Variants in CYB5R1 observed in about 807,000 individuals in gnomAD.
CYB5R1 encodes cytochrome b5 reductase 1.
A neutral mutation model predicts 37.4 loss-of-function variants in CYB5R1; 32 were observed. The observed-to-expected ratio is 0.86, with a 90% confidence interval of 0.65 to 1.15. CYB5R1 has a LOEUF of 1.15. Ranked by LOEUF, CYB5R1 falls within the 50% of genes most tolerant of loss-of-function variation. The pLI, the probability that CYB5R1 is intolerant of heterozygous loss-of-function variation, is 0.00. For synonymous variants in CYB5R1, 159 were observed against 155.2 expected (o/e 1.02, Z -0.18); for missense variants, 345 against 382.5 (o/e 0.90, Z 0.82).
At chr1:202,963,002 A>G (rs750376582) in intron 8 of CYB5R1, 64 bp downstream of exon 8, 29 of 1,464,760 alleles carry the variant, frequency 2.0e-5, no homozygotes, top group Middle Eastern at 1.7e-4. Context: ...AGAATTCACA[A>G]AGGGGCAAGG....
At chr1:202,966,367 G>C in intron 3 of CYB5R1, 161 bp downstream of exon 3, 1 of 758,042 alleles carries the variant, frequency 1.3e-6, no homozygotes, top group Non-Finnish European at 2.2e-6. Flanking sequence ...CTCTAGAGGG[G>C]CCCAGTGGCA....
chr1:202,966,995 G>T, intron 1 of CYB5R1, 97 bp from the exon 2 acceptor site: 1 of 1,481,516 alleles, frequency 6.7e-7, no homozygotes, highest in Non-Finnish European at 9.0e-7. Flanking sequence ...GCTCCAGCGC[G>T]GAGGCATGCC....
intron 5 of CYB5R1, 138 bp from the exon 6 acceptor site, chr1:202,964,833 C>G: frequency 1.4e-6 from 1 of 693,070 alleles, no homozygotes; most frequent in Non-Finnish European, 2.6e-6. Flanking sequence ...TGGGTGGAAG[C>G]TTGAGTTGAG....
At position 202,962,315 on chromosome 1, in the gene CYB5R1, G is replaced by A. The variant is rs1655004632; in HGVS notation, c.*212C>T. 6 of 556,812 alleles carry A rather than the reference G, an allele frequency of 1.1e-5. No individual in the cohort carries two copies. Among genetic ancestry groups the A allele is most frequent in the African/African-American group, 1.9e-5 (1 of 52,310 alleles). The allele number at this position is 556,812 out of a possible 1,614,324, so 34.5% of individuals were successfully genotyped here. On this transcript the variant is annotated 3_prime_UTR_variant, in exon 9 of 9. Transcript: ENST00000367249. Reference sequence around the variant, plus strand: ...GGGCCTCTCCTGGACCTGTTGCCACGGGGAGATTTAGGAGGCCATCCAAGG... The same window carrying A: ...GGGCCTCTCCTGGACCTGTTGCCACAGGGAGATTTAGGAGGCCATCCAAGG...
Position 202,962,463 on chromosome 1 carries a change from T to C in CYB5R1, c.*64A>G. 1 of 1,523,506 alleles carries C rather than the reference T, an allele frequency of 6.6e-7. No homozygotes were observed. The highest frequency in any genetic ancestry group is 8.8e-7 in the Non-Finnish European group (1 of 1,133,972). The allele number at this position is 1,523,506 out of a possible 1,614,324, so 94.4% of individuals were successfully genotyped here. A position where few individuals can be genotyped will look rare whatever the true frequency, so the allele number is the denominator to read the frequency against. ...ACTCTGAGGAAAGGAATCTAAGGCT[T>C]ATAGTGCTTGAGTACTGATGGGGAA... On this transcript the variant is annotated 3_prime_UTR_variant, in exon 9 of 9. Coordinates refer to ENST00000367249, the MANE Select transcript of CYB5R1 (RefSeq NM_016243.3).
chr1:202,966,438 C>G, intron 3 of CYB5R1, 90 bp downstream of exon 3: 1 of 1,442,462 alleles, frequency 6.9e-7, no homozygotes, highest in Non-Finnish European at 9.7e-7. Flanking sequence ...TGGAGCAAAC[C>G]GGTTGAAGCA....
intron 4 of CYB5R1, 108 bp from the exon 5 acceptor site, chr1:202,965,608 T>C: frequency 8.3e-7 from 1 of 1,206,256 alleles, no homozygotes; most frequent in African/African-American, 1.5e-5. Context: ...ATGTGCTATC[T>C]TTTCCCCGTC....
At chr1:202,964,756 C>T (rs1027588151) in intron 5 of CYB5R1, 61 bp from the exon 6 acceptor site, 1 of 1,242,306 alleles carries the variant, frequency 8.0e-7, no homozygotes, top group African/African-American at 1.5e-5. Flanking sequence ...ACTTAGAAAA[C>T]AAATGCAGAG....
At chr1:202,964,023 CTCCGGATTCAATGA>C in intron 6 of CYB5R1, 1 of 288,390 alleles carries the variant, frequency 3.5e-6, no homozygotes, top group Non-Finnish European at 6.4e-6. Flanking sequence ...CTACAAGTAC[CTCCGGATTCAATGA>C]TGAGGGTTCT....
At position 202,966,571 on chromosome 1, in the gene CYB5R1, G is replaced by T. The variant is rs1184994755; in HGVS notation, c.195C>A (p.Arg65=). Residue 65 remains arginine (R), a synonymous_variant, in exon 3 of 9, where the codon CGC becomes CGA. Coordinates refer to ENST00000367249, the MANE Select transcript of CYB5R1 (RefSeq NM_016243.3). ...TTVSHNTKRF[R]FALPTAHHTL... is the part of the protein sequence containing the mutation. ...TGTGGTGGGCGGTGGGCAGGGCAAA[G>T]CGGAACCTCTTGGTGTTGTGGCTCA... The T allele has an allele frequency of 6.2e-7, 1 of 1,614,090 alleles. No individual in the cohort carries two copies. The highest frequency in any genetic ancestry group is 8.5e-7 in the Non-Finnish European group (1 of 1,180,038).
At position 202,962,701 on chromosome 1, in the gene CYB5R1, T is replaced by C; in HGVS notation, c.746-2A>G. On this transcript the variant is annotated splice_acceptor_variant, in intron 8 of 8. Transcript: ENST00000367249. LOFTEE classifies it high-confidence loss of function. Reference sequence around the variant, plus strand: ...CAAAGCCCTTGCTGTAGGCCCAATCTGAAGTATGGGGAGAAGAAAGTACTT... The same window carrying C: ...CAAAGCCCTTGCTGTAGGCCCAATCCGAAGTATGGGGAGAAGAAAGTACTT... 1 of 1,613,974 alleles carries C rather than the reference T, an allele frequency of 6.2e-7. No homozygotes were observed. Among genetic ancestry groups the C allele is most frequent in the East Asian group, 2.2e-5 (1 of 44,880 alleles).
intron 3 of CYB5R1, 112 bp from the exon 4 acceptor site, chr1:202,966,105 A>G (rs1655088292): frequency 1.3e-6 from 1 of 741,628 alleles, no homozygotes. Flanking sequence ...TGTGGTCCCA[A>G]GGAGCTACAA....
chr1:202,966,179 A>G, intron 3 of CYB5R1, 186 bp from the exon 4 acceptor site: 1 of 602,356 alleles, frequency 1.7e-6, no homozygotes, highest in South Asian at 2.0e-5. Context: ...AGTTGAGGAA[A>G]CACTTATTTC....
chr1:202,964,904 C>G, intron 5 of CYB5R1: 3 of 575,804 alleles, frequency 5.2e-6, no homozygotes, highest in South Asian at 4.0e-5. Flanking sequence ...TGAGTCAGTT[C>G]AGCGCCACAC....
intron 7 of CYB5R1, 45 bp downstream of exon 7, chr1:202,963,597 C>A: frequency 6.9e-7 from 1 of 1,440,950 alleles, no homozygotes; most frequent in East Asian, 2.4e-5. Flanking sequence ...CAGCCCTACC[C>A]ACACAGCAAC....
At position 202,965,918 on chromosome 1, in the gene CYB5R1, T is replaced by G; in HGVS notation, c.314A>C (p.Glu105Ala). ...IRPYTPVTSD[E>A]DQGYVDLVIK... ...GACAAGATCCACATAGCCTTGATCC[T>G]CATCACTGGTGACAGGAGTGTATGG... Residue 105 changes from glutamate (E) to alanine (A), a missense_variant, in exon 4 of 9, where the codon GAG becomes GCG. Coordinates refer to ENST00000367249, the MANE Select transcript of CYB5R1 (RefSeq NM_016243.3). 6.2e-7 allele frequency: 1 copy of G among 1,613,820 alleles called. No individual in the cohort carries two copies. The highest frequency in any genetic ancestry group is 8.5e-7 in the Non-Finnish European group (1 of 1,179,692).
intron 4 of CYB5R1, 106 bp downstream of exon 4, chr1:202,965,781 T>A (rs1655078900): frequency 1.2e-6 from 1 of 826,690 alleles, no homozygotes; most frequent in Non-Finnish European, 2.0e-6. Context: ...TTTCTTCACA[T>A]CCACAGAGTA....
intron 3 of CYB5R1, 52 bp downstream of exon 3, chr1:202,966,475 GA>G: frequency 6.3e-7 from 1 of 1,582,504 alleles, no homozygotes; most frequent in South Asian, 1.1e-5. Context: ...CCCAGGAGGG[GA>G]GTCACCTTCT....
chr1:202,966,448 A>C (rs1006470067), intron 3 of CYB5R1, 80 bp downstream of exon 3: 1 of 1,496,872 alleles, frequency 6.7e-7, no homozygotes, highest in Non-Finnish European at 9.3e-7. Flanking sequence ...CGGTTGAAGC[A>C]GCGTGTTTCA....
Sources: gnomAD v4.1 joint callset for allele counts on GRCh38, gnomAD v4.1.1 for gene constraint, MANE v1.5 for transcripts, NCBI Gene and HGNC (gene_info 2026-07-23, HGNC 2026-07-21) for gene names.